The following COL25A1 variants were observed in gnomAD, a reference collection of about 807,000 sequenced individuals.
The protein encoded by COL25A1 is collagen alpha-1(XXV) chain.
In COL25A1, 103 loss-of-function variants were observed where a neutral mutation model predicts 128.4. The ratio of observed to expected loss-of-function variants is 0.80; its 90% CI spans 0.68 to 0.94. The LOEUF is 0.94. COL25A1 is among the 40% of genes least tolerant of loss of function. The pLI, the probability that COL25A1 is intolerant of heterozygous loss-of-function variation, is 0.00. For synonymous variants in COL25A1, 279 were observed against 277.2 expected (o/e 1.01, Z -0.06); for missense variants, 745 against 840.0 (o/e 0.89, Z 1.40).
At chr4:109,295,547 T>C (rs1371472075) in intron 3 of COL25A1, among the ~76,000 whole-genome samples, 1 of 152,128 alleles carries the variant, frequency 6.6e-6, no homozygotes, top group Admixed American at 6.6e-5. Context: ...CCTTACTTGA[T>C]GCACTCTTTC....
chr4:109,173,387 A>C (rs1773777107), intron 3 of COL25A1, among the ~76,000 whole-genome samples: 1 of 152,186 alleles, frequency 6.6e-6, no homozygotes, highest in African/African-American at 2.4e-5. Context: ...CTGATGTCCA[A>C]GATACTTCCT....
chr4:109,067,114 T>C (rs1011037217), intron 3 of COL25A1, among the ~76,000 whole-genome samples: 1 of 152,190 alleles, frequency 6.6e-6, no homozygotes, highest in Non-Finnish European at 1.5e-5. Flanking sequence ...GGCTTTCACA[T>C]AGGAAGATAG....
chr4:109,255,689 A>T (rs1331042942), intron 3 of COL25A1, among the ~76,000 whole-genome samples: 1 of 152,248 alleles, frequency 6.6e-6, no homozygotes, highest in Non-Finnish European at 1.5e-5. Flanking sequence ...AAAAGTGAGA[A>T]GCTGACAGAA....
intron 3 of COL25A1, among the ~76,000 whole-genome samples, chr4:109,057,544 AGTG>A (rs1761568474): frequency 6.8e-6 from 1 of 147,964 alleles, no homozygotes; most frequent in Admixed American, 7.0e-5. Flanking sequence ...TGCCTCCCAA[AGTG>A]CTGGGATTAT....
chr4:109,047,349 G>A (rs927797466), intron 5 of COL25A1, among the ~76,000 whole-genome samples: 1 of 152,186 alleles, frequency 6.6e-6, no homozygotes, highest in South Asian at 2.1e-4. Context: ...AAAATCCCAC[G>A]AGGGTATTGG....
chr4:109,172,435 G>A (rs1182775099), intron 3 of COL25A1, among the ~76,000 whole-genome samples: 1 of 152,146 alleles, frequency 6.6e-6, no homozygotes, highest in Non-Finnish European at 1.5e-5. Flanking sequence ...GTTGGGACCT[G>A]AAGATGAATT....
chr4:108,822,691 A>C (rs1027896658), intron 35 of COL25A1, among the ~76,000 whole-genome samples: 4 of 152,184 alleles, frequency 2.6e-5, no homozygotes, highest in Non-Finnish European at 1.5e-5. Context: ...CTCTCAAAGC[A>C]CTGGGATTAT....
chr4:108,858,851 C>CA (rs953497837), intron 24 of COL25A1, among the ~76,000 whole-genome samples: 9 of 150,388 alleles, frequency 6.0e-5, no homozygotes, highest in African/African-American at 1.2e-4. Context: ...GTCAGAGAGA[C>CA]AAAAAAAAAG....
chr4:108,919,114 A>G (rs1298075175), intron 12 of COL25A1, among the ~76,000 whole-genome samples: 1 of 152,168 alleles, frequency 6.6e-6, no homozygotes, highest in Admixed American at 6.5e-5. Flanking sequence ...CATTTCTTTA[A>G]TAATAATGGG....
intron 3 of COL25A1, among the ~76,000 whole-genome samples, chr4:109,265,253 TTCGGG>T (rs1781708922): frequency 6.6e-6 from 1 of 152,140 alleles, no homozygotes; most frequent in Non-Finnish European, 1.5e-5. Flanking sequence ...TCTGTTAACA[TTCGGG>T]AGCTGAAACA....
Position 109,278,904 on chromosome 4 carries a change from GT to G in COL25A1, c.367+21678del, listed in dbSNP as rs147700462. On this transcript the variant is annotated intron_variant, in intron 3 of 37. Transcript: ENST00000399132. Reference sequence around the variant, plus strand: ...AAATCAAGGTGGCAGCAGATTCAGTGTCTGGTGAGGGCCTGCTTCCTCTTGA... The same window carrying G: ...AAATCAAGGTGGCAGCAGATTCAGTGCTGGTGAGGGCCTGCTTCCTCTTGA... Among the ~76,000 whole-genome samples the G allele has an allele frequency of 9.8e-5, 15 of 152,316 alleles. No individual in the cohort carries two copies. The East Asian group carries it at 2.9e-3, about 29-fold the overall frequency.
At chr4:108,985,418 T>C (rs1213694116) in intron 6 of COL25A1, among the ~76,000 whole-genome samples, 1 of 152,198 alleles carries the variant, frequency 6.6e-6, no homozygotes, top group Non-Finnish European at 1.5e-5. Flanking sequence ...TCTTGTCTTC[T>C]TCCTCACTGT....
At chr4:108,984,411 G>C (rs991805419) in intron 6 of COL25A1, among the ~76,000 whole-genome samples, 4 of 152,106 alleles carry the variant, frequency 2.6e-5, no homozygotes, top group Non-Finnish European at 5.9e-5. Context: ...CCCTTGGGTG[G>C]TTGATGGGAC....
intron 13 of COL25A1, among the ~76,000 whole-genome samples, chr4:108,909,528 T>C (rs983147306): frequency 5.9e-5 from 9 of 152,198 alleles, no homozygotes; most frequent in Non-Finnish European, 7.3e-5. Flanking sequence ...AATATAATAG[T>C]ATGAGGTGTT....
chr4:109,060,687 CAA>C (rs112449642), intron 3 of COL25A1, among the ~76,000 whole-genome samples: 1 of 124,398 alleles, frequency 8.0e-6, no homozygotes, highest in Non-Finnish European at 1.8e-5. Context: ...ACTCAATTTT[CAA>C]AAAAAAAAAA....
At chr4:109,008,698 T>C (rs1724466) in intron 6 of COL25A1, among the ~76,000 whole-genome samples, 77,635 of 151,940 alleles carry the variant, frequency 0.51, 22,580 homozygotes, top group African/African-American at 0.78. Flanking sequence ...TATGGTGTCA[T>C]TCATGTGAGT....
At chr4:108,852,094 T>C in intron 26 of COL25A1, 142 bp downstream of exon 26, 1 of 594,548 alleles carries the variant, frequency 1.7e-6, no homozygotes, top group Non-Finnish European at 2.9e-6. Flanking sequence ...GACCTCAATT[T>C]CTTTTCTTCG....
At chr4:108,814,731 G>A (rs111458454) in intron 37 of COL25A1, among the ~76,000 whole-genome samples, 4,101 of 152,150 alleles carry the variant, frequency 0.027, 184 homozygotes, top group African/African-American at 0.091. Flanking sequence ...CCTTTTGAAC[G>A]CTGCTGTGTT....
At chr4:109,029,025 A>G (rs965881333) in intron 5 of COL25A1, among the ~76,000 whole-genome samples, 1 of 152,162 alleles carries the variant, frequency 6.6e-6, no homozygotes, top group African/African-American at 2.4e-5. Flanking sequence ...TGGGAAAACA[A>G]TATTTGATGA....
Sources: gnomAD v4.1 joint callset for allele counts (sites outside exome capture counted in the v4.1 genomes callset) on GRCh38, gnomAD v4.1.1 for gene constraint, MANE v1.5 for transcripts, NCBI Gene and HGNC (gene_info 2026-07-23, HGNC 2026-07-21) for gene names.